Variants in DDX42 observed in about 807,000 individuals in gnomAD.
DDX42 encodes ATP-dependent RNA helicase DDX42.
A neutral mutation model predicts 101.5 loss-of-function variants in DDX42; 22 were observed. That is an observed-to-expected ratio of 0.22 (90% CI 0.15 to 0.31). The LOEUF (loss-of-function observed/expected upper bound fraction) is 0.31, where lower values mean the gene tolerates loss of function less well. DDX42 is among the 10% of genes least tolerant of loss of function. DDX42 has a pLI of 1.00. For synonymous variants in DDX42, 402 were observed against 401.2 expected, an observed-to-expected ratio of 1.00 and a Z score of -0.02; for missense variants, 849 against 1,199.9, an observed-to-expected ratio of 0.71 and a Z score of 4.32.
Position 63,805,658 on chromosome 17 carries a change from TG to T in DDX42, c.726+485del, listed in dbSNP as rs2039829690. ...TACCAGAAAGTTTTGGGCTGCACAT[TG>T]GCTACATTGGTTTAAGGTGCTGATA... On this transcript the variant is annotated intron_variant, in intron 7 of 17. Coordinates refer to ENST00000389924, the MANE Select transcript of DDX42 (RefSeq NM_203499.3). 3 of 154,122 alleles carry T rather than the reference TG, an allele frequency of 1.9e-5. No individual in the cohort carries two copies. In the Admixed American group the frequency reaches 2.0e-4, roughly 10 times the overall value. 9.5% of individuals were successfully genotyped at this position (154,122 alleles called of 1,614,324 possible). A position where few individuals can be genotyped will look rare whatever the true frequency, so the allele number is the denominator to read the frequency against.
chr17:63,793,673 C>T (rs1225699551), intron 3 of DDX42, among the ~76,000 whole-genome samples: 1 of 151,826 alleles, frequency 6.6e-6, no homozygotes, highest in Non-Finnish European at 1.5e-5. Context: ...ATTGTCGCAC[C>T]CAAAAAACAA....
chr17:63,789,678 A>G (rs1405020400), intron 2 of DDX42, among the ~76,000 whole-genome samples: 2 of 150,488 alleles, frequency 1.3e-5, no homozygotes, highest in African/African-American at 2.5e-5. Flanking sequence ...GGTTCAAGCA[A>G]TTCTCCTGTC....
rs1598347345 is a variant in DDX42, at chr17:63,819,163, A to G, written c.*765A>G. 1 of 152,612 alleles carries G rather than the reference A, an allele frequency of 6.6e-6. No individual in the cohort carries two copies. Among genetic ancestry groups the G allele is most frequent in the African/African-American group, 2.4e-5 (1 of 41,450 alleles). The allele number at this position is 152,612 out of a possible 1,614,324, so 9.5% of individuals were successfully genotyped here. ...TTTTTTAACTTGCCCCAATGATAGA[A>G]AAGTCTTTTGCTGAAATGATTTTGA... On this transcript the variant is annotated 3_prime_UTR_variant, in exon 18 of 18. Transcript: ENST00000389924.
rs912151400 is a variant in DDX42, at chr17:63,814,712, T to A, written c.1903-851T>A. 6.8e-5 allele frequency among the ~76,000 whole-genome samples: 9 copies of A among 131,914 alleles called. 1 individual carries two copies. The East Asian group carries it at 1.3e-3, about 20-fold the overall frequency. 86.5% of individuals were successfully genotyped at this position (131,914 alleles called of 152,430 possible). A position where few individuals can be genotyped will look rare whatever the true frequency, so the allele number is the denominator to read the frequency against. ...TTTTTTTTTTTTCTTTTTTCTGAGA[T>A]GGAGTCACACTCTATCACCCAGGCT... On this transcript the variant is annotated intron_variant, in intron 15 of 17. Transcript: ENST00000389924.
chr17:63,810,647 A>G (rs1481168119), intron 12 of DDX42, 87 bp downstream of exon 12: 10 of 1,326,870 alleles, frequency 7.5e-6, no homozygotes, highest in Non-Finnish European at 9.8e-6. Context: ...ATGGAAGTAA[A>G]AATGATCTTG....
intron 16 of DDX42, chr17:63,815,924 ACTGTGGTC>A: frequency 4.7e-6 from 1 of 213,858 alleles, no homozygotes; most frequent in Non-Finnish European, 9.3e-6. Context: ...GTGATCTCAC[ACTGTGGTC>A]CCTGGACCAG....
At chr17:63,810,070 T>C (rs1357234631) in intron 11 of DDX42, among the ~76,000 whole-genome samples, 1 of 152,030 alleles carries the variant, frequency 6.6e-6, no homozygotes, top group Non-Finnish European at 1.5e-5. Context: ...TTTTTCACTT[T>C]TATGCTGAAT....
chr17:63,807,702 T>C (rs370109600), intron 8 of DDX42, 22 bp from the exon 9 acceptor site: 12 of 1,600,254 alleles, frequency 7.5e-6, no homozygotes, highest in African/African-American at 2.7e-5. Flanking sequence ...TTTAGAGTGG[T>C]TATATTTTAC....
intron 14 of DDX42, among the ~76,000 whole-genome samples, chr17:63,812,427 A>C (rs1266810039): frequency 2.0e-5 from 3 of 152,182 alleles, no homozygotes; most frequent in East Asian, 1.9e-4. Context: ...CTAATCAAAG[A>C]ATCCCTGCAG....
At position 63,800,180 on chromosome 17, in the gene DDX42, C is replaced by A. The variant is rs145182628; in HGVS notation, c.472-288C>A. On this transcript the variant is annotated intron_variant, in intron 5 of 17. Coordinates refer to ENST00000389924, the MANE Select transcript of DDX42 (RefSeq NM_203499.3). ...ACAGCATGTGTTCTATGGCTCTGGG[C>A]AGGGTTGATAGACACCCCACTCCAG... 154 of 334,094 alleles carry A rather than the reference C, an allele frequency of 4.6e-4. 2 individuals carry two copies. Among genetic ancestry groups the A allele is most frequent in the African/African-American group, 3.0e-3 (142 of 47,002 alleles). The allele number at this position is 334,094 out of a possible 1,614,324, so 20.7% of individuals were successfully genotyped here.
At chr17:63,778,872 C>G (rs1187672852) in intron 1 of DDX42, among the ~76,000 whole-genome samples, 1 of 152,076 alleles carries the variant, frequency 6.6e-6, no homozygotes, top group Non-Finnish European at 1.5e-5. Context: ...ATCTCCTGAC[C>G]TTGTGATCCG....
At chr17:63,808,645 T>G (rs936282510) in intron 9 of DDX42, among the ~76,000 whole-genome samples, 175 bp from the exon 10 acceptor site, 1 of 152,208 alleles carries the variant, frequency 6.6e-6, no homozygotes, top group African/African-American at 2.4e-5. Flanking sequence ...TCTGTTGAGA[T>G]GCAATAATGG....
At chr17:63,777,318 A>G (rs917668453) in intron 1 of DDX42, among the ~76,000 whole-genome samples, 5 of 152,238 alleles carry the variant, frequency 3.3e-5, no homozygotes, top group Non-Finnish European at 5.9e-5. Context: ...ATATTGAATA[A>G]ATGAGTATCT....
chr17:63,788,157 G>A (rs896420404), intron 2 of DDX42, among the ~76,000 whole-genome samples: 19 of 151,064 alleles, frequency 1.3e-4, no homozygotes, highest in African/African-American at 4.4e-4. Context: ...TGCCCGCCTT[G>A]GCCTCCCAAA....
chr17:63,808,812 C>T lies in DDX42; in HGVS notation c.1024-8C>T. The stretch of plus-strand genomic sequence containing the variant: ...CAGTTTGTTAATATATTATTCACAA[C>T]TTTGTAGATCCATGCAGAATGTAAG... On this transcript the variant is annotated splice_region_variant and splice_polypyrimidine_tract_variant and intron_variant, in intron 9 of 17. Coordinates refer to ENST00000389924, the MANE Select transcript of DDX42 (RefSeq NM_203499.3). 1.2e-6 allele frequency: 2 copies of T among 1,613,356 alleles called. No homozygotes were observed. Among genetic ancestry groups the T allele is most frequent in the Non-Finnish European group, 8.5e-7 (1 of 1,179,610 alleles).
At chr17:63,779,342 C>T (rs973394361) in intron 1 of DDX42, among the ~76,000 whole-genome samples, 1 of 152,202 alleles carries the variant, frequency 6.6e-6, no homozygotes, top group Non-Finnish European at 1.5e-5. Context: ...CGGCCCACTG[C>T]AACCTCCGAC....
intron 1 of DDX42, among the ~76,000 whole-genome samples, chr17:63,776,633 C>CTTT (rs773294172): frequency 7.2e-5 from 10 of 139,840 alleles, no homozygotes; most frequent in South Asian, 2.2e-4. Context: ...ATAGTCTCAT[C>CTTT]TTTTTTTTTT....
chr17:63,785,414 C>T (rs1036402913), intron 1 of DDX42, among the ~76,000 whole-genome samples: 2 of 151,428 alleles, frequency 1.3e-5, no homozygotes, highest in Admixed American at 1.3e-4. Flanking sequence ...TGGGCCACTG[C>T]ACTCCAGCCT....
intron 1 of DDX42, among the ~76,000 whole-genome samples, chr17:63,775,337 T>G (rs2144512647): frequency 6.6e-6 from 1 of 152,042 alleles, no homozygotes; most frequent in Non-Finnish European, 1.5e-5. Context: ...CTAGCGCCGT[T>G]CTAGGTGATA....
Sources: allele counts gnomAD v4.1 joint callset (sites outside exome capture counted in the v4.1 genomes callset), GRCh38; gene constraint gnomAD v4.1.1; transcripts MANE v1.5; gene names NCBI Gene and HGNC (gene_info 2026-07-23, HGNC 2026-07-21).